Variants in NECTIN1 observed in about 807,000 individuals in gnomAD.
NECTIN1 encodes the protein nectin cell adhesion molecule 1.
Under a neutral mutation model 48.0 loss-of-function variants are expected in NECTIN1, and 23 were observed. That is an observed-to-expected ratio of 0.48 (90% CI 0.34 to 0.68). The LOEUF is 0.68. Ranked by LOEUF, NECTIN1 falls within the 30% of genes least tolerant of loss-of-function variation. NECTIN1 has a pLI of 0.01. For synonymous variants in NECTIN1, 270 were observed against 288.9 expected, an observed-to-expected ratio of 0.93 and a Z score of 0.66; for missense variants, 591 against 709.9, an observed-to-expected ratio of 0.83 and a Z score of 1.90.
chr11:119,658,459 C>T (rs948226517), downstream of NECTIN1, among the ~76,000 whole-genome samples: 1 of 152,076 alleles, frequency 6.6e-6, no homozygotes, highest in Non-Finnish European at 1.5e-5. Flanking sequence ...TCGTGCTGCT[C>T]GGCATAGTGT....
In NECTIN1 at chr11:119,661,648, C is replaced by T; in HGVS notation, c.*3099G>A. 4 of 985,904 alleles carry T rather than the reference C, an allele frequency of 4.1e-6. No individual in the cohort carries two copies. Among genetic ancestry groups the T allele is most frequent in the Non-Finnish European group, 4.8e-6 (4 of 829,956 alleles). 61.1% of individuals were successfully genotyped at this position (985,904 alleles called of 1,614,324 possible). On this transcript the variant is annotated 3_prime_UTR_variant, in exon 6 of 6. Transcript: ENST00000264025. Reference sequence around the variant, plus strand: ...TCTGAGGAAGGCAGAAAAGTTATTGCACCAGTGACTTGGGCAAGTGGGGGT... The same window carrying T: ...TCTGAGGAAGGCAGAAAAGTTATTGTACCAGTGACTTGGGCAAGTGGGGGT...
chr11:119,695,596 G>A (rs1396668006), intron 1 of NECTIN1, among the ~76,000 whole-genome samples: 2 of 151,152 alleles, frequency 1.3e-5, no homozygotes, highest in Non-Finnish European at 3.0e-5. Flanking sequence ...TCAGGGATGG[G>A]GGTGCCTGGT....
Position 119,678,544 on chromosome 11 carries a change from G to C in NECTIN1, c.301C>G (p.Arg101Gly). 1 of 1,614,174 alleles carries C rather than the reference G, an allele frequency of 6.2e-7. No homozygotes were observed. Among genetic ancestry groups the C allele is most frequent in the Middle Eastern group, 1.6e-4 (1 of 6,062 alleles). Reference sequence around the variant, plus strand: ...ATAGTGCCATCGGTGAAGGAGGGCCGCAGGAATTCCACACGCTCGCGGTAG... The same window carrying C: ...ATAGTGCCATCGGTGAAGGAGGGCCCCAGGAATTCCACACGCTCGCGGTAG... Reference protein sequence around the residue: ...APYRERVEFLRPSFTDGTIRL... With the variant: ...APYRERVEFLGPSFTDGTIRL... Residue 101 changes from arginine to glycine, a missense_variant, in exon 2 of 6, where the codon CGG becomes GGG. Physicochemically the swap from Arg to Gly is moderately radical, Grantham distance 125. Coordinates refer to ENST00000264025, the MANE Select transcript of NECTIN1 (RefSeq NM_002855.5). This position sits in a 1 kb window ranked among gnomAD's most constrained non-coding sequence, Gnocchi z 4.4.
Position 119,654,774 on chromosome 11 carries a change from T to C in NECTIN1, c.1004-14762A>G, listed in dbSNP as rs147038570. 8.6e-3 allele frequency among the ~76,000 whole-genome samples: 1,313 copies of C among 152,124 alleles called. 18 individuals are homozygous for C. The highest frequency in any genetic ancestry group is 0.012 in the Non-Finnish European group (801 of 68,006). ...TTTAGTAGAGATGGGGTTTCCCATA[T>C]TGGCCAGGCTGGTCTCAAACTCCTG... On this transcript the variant is annotated intron_variant, in intron 5 of 7. Transcript: ENST00000341398.
Position 119,678,689 on chromosome 11 carries a change from G to A in NECTIN1, c.156C>T (p.Ser52=). ...TCACGCTGGGAAGCGGGTTGGCAAA[G>A]CTGCAGTGCAGAACCACGTCTGTGC... is the stretch of plus-strand genomic sequence containing the variant. ...FIGTDVVLHC[S]FANPLPSVKI... The change falls in exon 2 of 6, where the codon AGC becomes AGT. Residue 52 remains serine, a synonymous_variant. Transcript: ENST00000264025. This position sits in a 1 kb window ranked among gnomAD's most constrained non-coding sequence, Gnocchi z 4.4. 5 of 1,614,060 alleles carry A rather than the reference G, an allele frequency of 3.1e-6. No individual in the cohort carries two copies. The highest frequency in any genetic ancestry group is 4.2e-6 in the Non-Finnish European group (5 of 1,180,006).
chr11:119,674,121 G>A (rs900017977), intron 5 of NECTIN1, among the ~76,000 whole-genome samples: 5 of 152,128 alleles, frequency 3.3e-5, no homozygotes, highest in Non-Finnish European at 4.4e-5. Flanking sequence ...ATGAATCCTC[G>A]TGGCTTGCAG....
At chr11:119,659,381 G>A (rs1864623752), downstream of NECTIN1, 1 of 152,230 alleles carries the variant, frequency 6.6e-6, no homozygotes, top group African/African-American at 2.4e-5. Flanking sequence ...GCTTAGTCCT[G>A]GGCCCACCAG....
chr11:119,723,915 G>A (rs568621145), intron 1 of NECTIN1, among the ~76,000 whole-genome samples: 107 of 152,226 alleles, frequency 7.0e-4, no homozygotes, highest in Admixed American at 2.1e-3. Context: ...ATGGGGAAAC[G>A]TTTTCTAGTT....
intron 1 of NECTIN1, among the ~76,000 whole-genome samples, chr11:119,690,990 CT>C (rs1256581199): frequency 1.3e-5 from 2 of 152,136 alleles, no homozygotes; most frequent in South Asian, 4.1e-4. Flanking sequence ...AAGCAATGGC[CT>C]TTTGTTCAAC....
chr11:119,648,310 GTGGTGATGGTGATGGTGGTGA>G (rs1565376563), intron 5 of NECTIN1, among the ~76,000 whole-genome samples: 21 of 5,942 alleles, frequency 3.5e-3, no homozygotes, highest in African/African-American at 9.4e-3. Context: ...GGTGGTGATG[GTGGTGATGGTGATGGTGGTGA>G]TGGTGGTGGT....
At position 119,677,139 on chromosome 11, in the gene NECTIN1, C is replaced by T; in HGVS notation, c.814G>A (p.Asp272Asn). Residue 272 changes from aspartate to asparagine, a missense_variant, in exon 4 of 6, where the codon GAT becomes AAT. By Grantham distance (23) the Asp-to-Asn change is conservative. Coordinates refer to ENST00000264025, the MANE Select transcript of NECTIN1 (RefSeq NM_002855.5). This position sits in a 1 kb window ranked among gnomAD's most constrained non-coding sequence, Gnocchi z 5.4. ...TACTCAGTGGCTGGGGGGTTAGCAT[C>T]AGCTTTGCAGGTGAGCTTCACGTCC... ...RMDVKLTCKA[D>N]ANPPATEYHW... 1 of 1,614,188 alleles carries T rather than the reference C, an allele frequency of 6.2e-7. No individual in the cohort carries two copies. Among genetic ancestry groups the T allele is most frequent in the Non-Finnish European group, 8.5e-7 (1 of 1,180,034 alleles).
At chr11:119,689,293 A>C (rs985154656) in intron 1 of NECTIN1, among the ~76,000 whole-genome samples, 2 of 152,178 alleles carry the variant, frequency 1.3e-5, no homozygotes, top group Non-Finnish European at 2.9e-5. Flanking sequence ...GCAGACTTGC[A>C]GGTGGTTCCA....
intron 5 of NECTIN1, among the ~76,000 whole-genome samples, chr11:119,668,333 C>G (rs1864809413): frequency 6.6e-6 from 1 of 152,188 alleles, no homozygotes; most frequent in African/African-American, 2.4e-5. Flanking sequence ...ATCACCCCAC[C>G]CGCAGTCACC....
chr11:119,692,664 A>G (rs1229277738), intron 1 of NECTIN1, among the ~76,000 whole-genome samples: 2 of 152,240 alleles, frequency 1.3e-5, no homozygotes, highest in Admixed American at 6.5e-5. Flanking sequence ...CTGGGGCTGG[A>G]TATTTACATA....
chr11:119,667,847 C>T (rs1437552577), intron 5 of NECTIN1, among the ~76,000 whole-genome samples: 1 of 152,164 alleles, frequency 6.6e-6, no homozygotes, highest in African/African-American at 2.4e-5. Flanking sequence ...AGTTCTCGCC[C>T]AACTCTGGGA....
In NECTIN1 at chr11:119,717,636, G is replaced by A. The variant is rs79030258; in HGVS notation, c.79+10839C>T. ...CAGGGAGATGCCTGTCCCTGCCTCC[G>A]CTCCAATTTATGCCTAGGAGTTGCT... On this transcript the variant is annotated intron_variant, in intron 1 of 5. Transcript: ENST00000264025. 2.5e-3 allele frequency among the ~76,000 whole-genome samples: 380 copies of A among 152,270 alleles called. 6 individuals are homozygous for A. The East Asian group carries it at 0.05, about 20-fold the overall frequency.
Position 119,663,192 on chromosome 11 carries a change from G to A in NECTIN1, c.*1555C>T, listed in dbSNP as rs1023855669. 161 of 985,348 alleles carry A rather than the reference G, an allele frequency of 1.6e-4. No individual in the cohort carries two copies. The highest frequency in any genetic ancestry group is 4.1e-5 in the Non-Finnish European group (34 of 829,954). The allele number at this position is 985,348 out of a possible 1,614,324, so 61.0% of individuals were successfully genotyped here. Reference sequence around the variant, plus strand: ...TCCCAGTGGGCAGGCATGAAGGGCCGCGAAGCCTGCCTCTCCATCCCAGGG... The same window carrying A: ...TCCCAGTGGGCAGGCATGAAGGGCCACGAAGCCTGCCTCTCCATCCCAGGG... On this transcript the variant is annotated 3_prime_UTR_variant, in exon 6 of 6. Transcript: ENST00000264025.
At chr11:119,669,884 T>C (rs1405059963) in intron 5 of NECTIN1, among the ~76,000 whole-genome samples, 1 of 151,984 alleles carries the variant, frequency 6.6e-6, no homozygotes, top group Non-Finnish European at 1.5e-5. Context: ...ATAAGCCCAC[T>C]CCACCTGTGT....
rs1466368127 is a variant in NECTIN1 at position 119,678,043 on chromosome 11, T to C, written c.431-186A>G. Among the ~76,000 whole-genome samples the C allele has an allele frequency of 6.6e-6, 1 of 152,166 alleles. No homozygotes were observed. Among genetic ancestry groups the C allele is most frequent in the East Asian group, 1.9e-4 (1 of 5,196 alleles). ...AGGAAGTTCATCATGTCTAACGTTA[T>C]GTCCTCCCTGCCCTACTAGTCATAT... is the stretch of plus-strand genomic sequence containing the variant. On this transcript the variant is annotated intron_variant, in intron 2 of 5. Transcript: ENST00000264025. This position sits in a 1 kb window ranked among gnomAD's most constrained non-coding sequence, Gnocchi z 4.4.
Sources: allele counts gnomAD v4.1 joint callset (sites outside exome capture counted in the v4.1 genomes callset), GRCh38; gene constraint gnomAD v4.1.1; non-coding constraint Gnocchi (gnomAD v3.1); transcripts MANE v1.5; gene names NCBI Gene and HGNC (gene_info 2026-07-23, HGNC 2026-07-21).